Variants in SETD3 observed in about 807,000 individuals in gnomAD.
SETD3 encodes actin-histidine N-methyltransferase.
SETD3 carries 19 observed loss-of-function variants against 63.0 expected under a neutral mutation model. The ratio of observed to expected loss-of-function variants is 0.30; its 90% CI spans 0.21 to 0.44. SETD3 has a LOEUF of 0.44. Among genes scored for constraint, SETD3 ranks in the 20% least tolerant of loss-of-function variants. SETD3 has a pLI of 1.00. For missense variants in SETD3, 587 were observed against 728.5 expected (o/e 0.81, Z 2.24); for synonymous variants, 286 against 264.1 (o/e 1.08, Z -0.80).
chr14:99,439,141 C>T (rs1473458452), intron 6 of SETD3, among the ~76,000 whole-genome samples: 1 of 152,162 alleles, frequency 6.6e-6, no homozygotes, highest in Non-Finnish European at 1.5e-5. Context: ...TACAGGCAAC[C>T]CTGGGAGATT....
At chr14:99,404,186 G>GA (rs1466889978) in intron 11 of SETD3, 39 bp downstream of exon 11, 4 of 1,548,248 alleles carry the variant, frequency 2.6e-6, no homozygotes, top group Non-Finnish European at 2.7e-6. Context: ...GATTTAAAAA[G>GA]AAAAAAGTCA....
chr14:99,479,561 T>C (rs1217996489), intron 1 of SETD3, among the ~76,000 whole-genome samples: 1 of 152,232 alleles, frequency 6.6e-6, no homozygotes, highest in Admixed American at 6.5e-5. Context: ...TAGTTCAGTT[T>C]TGAAATACTG....
upstream of SETD3, among the ~76,000 whole-genome samples, chr14:99,484,753 T>C (rs1362605924): frequency 6.6e-6 from 1 of 152,226 alleles, no homozygotes; most frequent in African/African-American, 2.4e-5. Flanking sequence ...TGAGGTTTCA[T>C]TGATAAGTGG....
intron 5 of SETD3, 128 bp downstream of exon 5, chr14:99,458,981 CACTT>C: frequency 1.7e-6 from 1 of 588,684 alleles, no homozygotes; most frequent in African/African-American, 1.9e-5. Context: ...AAATGAAAAA[CACTT>C]AATGCATATT....
chr14:99,463,458 AAT>A, intron 3 of SETD3, 26 bp downstream of exon 3: 1 of 1,567,798 alleles, frequency 6.4e-7, no homozygotes, highest in Admixed American at 1.7e-5. Context: ...ACATTATTAA[AAT>A]ACAGTTATCA....
intron 1 of SETD3, among the ~76,000 whole-genome samples, chr14:99,469,941 A>G (rs2139807238): frequency 6.6e-6 from 1 of 152,280 alleles, no homozygotes. Flanking sequence ...GCCTATTCTT[A>G]AACTTCATAT....
intron 6 of SETD3, among the ~76,000 whole-genome samples, chr14:99,451,025 AT>A (rs1010452279): frequency 3.3e-5 from 5 of 152,172 alleles, no homozygotes; most frequent in African/African-American, 1.2e-4. Context: ...CTATTAATTT[AT>A]TTTTCATTGG....
At chr14:99,454,448 T>G (rs1198793921) in intron 6 of SETD3, among the ~76,000 whole-genome samples, 2 of 152,158 alleles carry the variant, frequency 1.3e-5, no homozygotes, top group East Asian at 3.9e-4. Context: ...GCAGGAATGT[T>G]ATTTTTGGCC....
At chr14:99,465,400 G>A (rs1895314892) in intron 2 of SETD3, among the ~76,000 whole-genome samples, 2 of 152,202 alleles carry the variant, frequency 1.3e-5, no homozygotes, top group Non-Finnish European at 2.9e-5. Flanking sequence ...CTGTGAAAAA[G>A]CAGTAGAGCT....
intron 4 of SETD3, 127 bp from the exon 5 acceptor site, chr14:99,459,312 T>A (rs916571160): frequency 3.8e-5 from 20 of 529,130 alleles, no homozygotes; most frequent in Admixed American, 8.3e-5. Context: ...GCACTTCAAA[T>A]AAATATTCAA....
chr14:99,438,051 A>G (rs1379367205), intron 6 of SETD3, among the ~76,000 whole-genome samples: 5 of 152,238 alleles, frequency 3.3e-5, no homozygotes, highest in African/African-American at 4.8e-5. Flanking sequence ...TGTAAACTCT[A>G]TCAAATAAAA....
intron 1 of SETD3, among the ~76,000 whole-genome samples, chr14:99,479,139 T>C (rs533413136): frequency 3.3e-5 from 5 of 152,330 alleles, no homozygotes; most frequent in Admixed American, 6.5e-5. Context: ...GCAACCATTT[T>C]ACTCCTTCAG....
intron 2 of SETD3, 61 bp downstream of exon 2, chr14:99,465,642 A>T (rs966816830): frequency 3.7e-6 from 5 of 1,357,158 alleles, no homozygotes; most frequent in Non-Finnish European, 5.2e-6. Context: ...CATTCTGGTG[A>T]CAAAGAAGAA....
chr14:99,414,133 C>A (rs1892158601), intron 6 of SETD3, among the ~76,000 whole-genome samples, 199 bp from the exon 7 acceptor site: 1 of 152,238 alleles, frequency 6.6e-6, no homozygotes, highest in Non-Finnish European at 1.5e-5. Context: ...TTTGTTGTGC[C>A]CAGCAGCCGC....
intron 3 of SETD3, 75 bp from the exon 4 acceptor site, chr14:99,461,415 A>G: frequency 1.4e-6 from 2 of 1,454,450 alleles, no homozygotes; most frequent in Non-Finnish European, 1.9e-6. Context: ...TCAGAAAATA[A>G]AAACAGGCCA....
rs996881511 is a variant in SETD3 at position 99,476,832 on chromosome 14, A to G, written c.-9+3896T>C. Among the ~76,000 whole-genome samples the G allele has an allele frequency of 2.0e-5, 3 of 152,246 alleles. 1 individual carries two copies. Among genetic ancestry groups the G allele is most frequent in the Admixed American group, 2.0e-4 (3 of 15,286 alleles). ...GTGAAACTCAGGATCATAGACAGTA[A>G]TAAACCTAAGTGTATATTTTATTAA... On this transcript the variant is annotated intron_variant, in intron 1 of 12. Transcript: ENST00000331768.
chr14:99,446,911 G>A (rs1318185058), intron 6 of SETD3, among the ~76,000 whole-genome samples: 1 of 150,886 alleles, frequency 6.6e-6, no homozygotes, highest in Non-Finnish European at 1.5e-5. Flanking sequence ...CTCCAAGGCA[G>A]GGACACACAC....
intron 2 of SETD3, among the ~76,000 whole-genome samples, chr14:99,465,347 A>C (rs1895310754): frequency 6.6e-6 from 1 of 152,220 alleles, no homozygotes; most frequent in African/African-American, 2.4e-5. Flanking sequence ...TACGACAAGA[A>C]CACTGAGTTT....
chr14:99,401,868 TC>T (rs1325346907), intron 11 of SETD3, among the ~76,000 whole-genome samples: 2 of 152,214 alleles, frequency 1.3e-5, no homozygotes, highest in African/African-American at 4.8e-5. Context: ...CAGAGCTTTC[TC>T]TCCGCTACTT....
Sources: gnomAD v4.1 joint callset for allele counts (sites outside exome capture counted in the v4.1 genomes callset) on GRCh38, gnomAD v4.1.1 for gene constraint, MANE v1.5 for transcripts, NCBI Gene and HGNC (gene_info 2026-07-23, HGNC 2026-07-21) for gene names.